Variants in LRBA observed in about 807,000 individuals in gnomAD.
LRBA encodes LPS responsive beige-like anchor protein, also known as lipopolysaccharide-responsive and beige-like anchor protein.
Under a neutral mutation model 330.0 loss-of-function variants are expected in LRBA, and 176 were observed. The ratio of observed to expected loss-of-function variants is 0.53; its 90% confidence interval spans 0.47 to 0.60. LRBA has a LOEUF of 0.60. Ranked by LOEUF, LRBA falls within the 20% of genes least tolerant of loss-of-function variation. The pLI, the probability that LRBA is intolerant of heterozygous loss-of-function variation, is 0.00. For synonymous variants in LRBA, 1,230 were observed against 1,193.0 expected (o/e 1.03, Z -0.64); for missense variants, 3,259 against 3,444.8 (o/e 0.95, Z 1.35).
At chr4:150,786,707 A>C (rs550906329) in intron 34 of LRBA, among the ~76,000 whole-genome samples, 1 of 152,296 alleles carries the variant, frequency 6.6e-6, no homozygotes, top group East Asian at 1.9e-4. Context: ...TGACCAAAAA[A>C]ATATGTTTAA....
At chr4:150,442,247 C>T (rs998806112) in intron 44 of LRBA, among the ~76,000 whole-genome samples, 5 of 151,952 alleles carry the variant, frequency 3.3e-5, no homozygotes, top group African/African-American at 1.2e-4. Flanking sequence ...CATTAAACTC[C>T]AACGTTTGGA....
intron 17 of LRBA, among the ~76,000 whole-genome samples, chr4:150,887,112 T>A (rs573190027): frequency 1.3e-5 from 2 of 152,300 alleles, no homozygotes; most frequent in East Asian, 1.9e-4. Flanking sequence ...ACAATTATTG[T>A]CAATTTAAAA....
chr4:150,580,172 C>T (rs1293255258), intron 40 of LRBA: 6 of 161,662 alleles, frequency 3.7e-5, no homozygotes, highest in Middle Eastern at 3.1e-3. Context: ...TCAAGCAGCC[C>T]AAGTCTCTGC....
In LRBA at chr4:150,817,116, TA is replaced by T; in HGVS notation, c.5305+7del. The T allele has an allele frequency of 6.2e-7, 1 of 1,609,596 alleles. No individual in the cohort carries two copies. The highest frequency in any genetic ancestry group is 8.5e-7 in the Non-Finnish European group (1 of 1,177,626). ...CATTTTTGTTGAAATCACTGATAACTAACTCACCTGGTGATTCTCCTCCCAT... is the reference window on the plus strand; with the variant it reads ...CATTTTTGTTGAAATCACTGATAACTACTCACCTGGTGATTCTCCTCCCAT... On this transcript the variant is annotated splice_region_variant and intron_variant, in intron 31 of 56. Coordinates refer to ENST00000651943, the MANE Select transcript of LRBA (RefSeq NM_001364905.1).
chr4:150,710,790 A>G (rs1786108899), intron 36 of LRBA, among the ~76,000 whole-genome samples: 1 of 152,034 alleles, frequency 6.6e-6, no homozygotes, highest in Non-Finnish European at 1.5e-5. Context: ...TGTACCAATA[A>G]CGTGAGGAAA....
chr4:150,948,957 A>G (rs369370494), intron 2 of LRBA, among the ~76,000 whole-genome samples: 1 of 151,996 alleles, frequency 6.6e-6, no homozygotes, highest in South Asian at 2.1e-4. Flanking sequence ...GAGGATGTGG[A>G]GAAACTGGAT....
intron 36 of LRBA, among the ~76,000 whole-genome samples, chr4:150,734,249 T>A (rs1301741024): frequency 6.6e-6 from 1 of 152,068 alleles, no homozygotes; most frequent in African/African-American, 2.4e-5. Context: ...TTGATATAAT[T>A]TATTTTGCAG....
At chr4:150,475,601 T>A (rs1219690461) in intron 42 of LRBA, among the ~76,000 whole-genome samples, 1 of 152,066 alleles carries the variant, frequency 6.6e-6, no homozygotes, top group African/African-American at 2.4e-5. Flanking sequence ...CTCCTTTTAA[T>A]TTCTGTAGGC....
intron 47 of LRBA, among the ~76,000 whole-genome samples, chr4:150,357,286 T>A (rs1013861317): frequency 2.0e-5 from 3 of 151,978 alleles, no homozygotes; most frequent in Non-Finnish European, 4.4e-5. Context: ...TGTCTACGAT[T>A]GTTATTGTGT....
intron 36 of LRBA, among the ~76,000 whole-genome samples, chr4:150,706,498 A>G (rs1471044295): frequency 6.6e-6 from 1 of 151,736 alleles, no homozygotes; most frequent in African/African-American, 2.4e-5. Context: ...TAGAAATATT[A>G]GAAGAAACAT....
chr4:150,916,429 C>G lies in LRBA; in HGVS notation c.866G>C (p.Cys289Ser). 2 of 1,613,112 alleles carry G rather than the reference C, an allele frequency of 1.2e-6. No homozygotes were observed. The highest frequency in any genetic ancestry group is 1.7e-6 in the Non-Finnish European group (2 of 1,179,650). The change falls in exon 7 of 57, where the codon TGT becomes TCT. Residue 289 changes from cysteine to serine, a missense_variant. By Grantham distance (112) the Cys-to-Ser change is moderately radical. Transcript: ENST00000651943. ...IKSKGKGFQH[C>S]VKFDFKPQKW... ...TTGTGGCTTGAAATCAAATTTCACA[C>G]AGTGTTGAAAGCCTTTTCCTTTTGA...
intron 37 of LRBA, 40 bp from the exon 38 acceptor site, chr4:150,599,171 C>T (rs1200606559): frequency 2.5e-6 from 4 of 1,609,934 alleles, no homozygotes; most frequent in Non-Finnish European, 3.4e-6. Context: ...TAGCAATTAT[C>T]AAACAGCGTG....
At chr4:150,458,797 T>TAAA (rs5862919) in intron 44 of LRBA, among the ~76,000 whole-genome samples, 22 of 146,312 alleles carry the variant, frequency 1.5e-4, no homozygotes, top group South Asian at 4.3e-4. Context: ...TTTTTTTTTT[T>TAAA]AAAAAAACAC....
chr4:150,543,549 T>G (rs1303256403), intron 40 of LRBA, among the ~76,000 whole-genome samples: 1 of 152,200 alleles, frequency 6.6e-6, no homozygotes, highest in Non-Finnish European at 1.5e-5. Context: ...CTTTTATGAA[T>G]GGTAAACTTA....
intron 34 of LRBA, among the ~76,000 whole-genome samples, chr4:150,793,747 G>T (rs1402247319): frequency 6.6e-6 from 1 of 152,164 alleles, no homozygotes; most frequent in East Asian, 1.9e-4. Context: ...TAGAGTTGTA[G>T]GGAAGAGAGG....
At chr4:150,805,416 G>GGGAAAGGAAA (rs143391822) in intron 33 of LRBA, among the ~76,000 whole-genome samples, 1 of 96,052 alleles carries the variant, frequency 1.0e-5, no homozygotes, top group African/African-American at 4.3e-5. Context: ...AGGAAAGGAA[G>GGGAAAGGAAA]GGAAAGGAAA....
chr4:150,824,908 G>A (rs1006670535), intron 30 of LRBA, among the ~76,000 whole-genome samples: 6 of 152,100 alleles, frequency 3.9e-5, no homozygotes, highest in Non-Finnish European at 8.8e-5. Context: ...CTGAGTAGCT[G>A]AGACTACAGG....
At chr4:150,924,717 T>C (rs1733700767) in intron 4 of LRBA, among the ~76,000 whole-genome samples, 1 of 152,166 alleles carries the variant, frequency 6.6e-6, no homozygotes, top group Non-Finnish European at 1.5e-5. Flanking sequence ...ATGCCTAATA[T>C]TAAATAACTA....
At chr4:150,403,159 T>C (rs959636710) in intron 47 of LRBA, among the ~76,000 whole-genome samples, 18 of 152,324 alleles carry the variant, frequency 1.2e-4, no homozygotes, top group African/African-American at 4.3e-4. Context: ...AGACTGCCAC[T>C]GCAGGTGCCA....
Sources: gnomAD v4.1 joint callset for allele counts (sites outside exome capture counted in the v4.1 genomes callset) on GRCh38, gnomAD v4.1.1 for gene constraint, MANE v1.5 for transcripts, NCBI Gene and HGNC (gene_info 2026-07-23, HGNC 2026-07-21) for gene names.